Variants in SLC35F1 observed in about 807,000 individuals in gnomAD.
SLC35F1 encodes the protein solute carrier family 35 member F1.
SLC35F1 carries 14 observed loss-of-function variants against 48.7 expected under a neutral mutation model. The ratio of observed to expected loss-of-function variants is 0.29; its 90% CI spans 0.19 to 0.45. The LOEUF is 0.45. Ranked by LOEUF, SLC35F1 falls within the 20% of genes least tolerant of loss-of-function variation. SLC35F1 has a pLI of 1.00. For missense variants in SLC35F1, 404 were observed against 500.0 expected, an observed-to-expected ratio of 0.81 and a Z score of 1.83; for synonymous variants, 190 against 202.2, an observed-to-expected ratio of 0.94 and a Z score of 0.51.
At chr6:118,131,882 T>C (rs953824780) in intron 1 of SLC35F1, among the ~76,000 whole-genome samples, 1 of 152,094 alleles carries the variant, frequency 6.6e-6, no homozygotes, top group Admixed American at 6.6e-5. Context: ...GTCTCTATGC[T>C]TAGATCAGTG....
intron 2 of SLC35F1, among the ~76,000 whole-genome samples, chr6:118,157,755 T>A (rs1774168209): frequency 6.6e-6 from 1 of 152,194 alleles, no homozygotes; most frequent in Non-Finnish European, 1.5e-5. Context: ...CCTGCTTTTA[T>A]CCCAGCTGTG....
intron 2 of SLC35F1, among the ~76,000 whole-genome samples, chr6:118,164,600 A>T (rs531561377): frequency 5.3e-5 from 8 of 152,212 alleles, no homozygotes; most frequent in Non-Finnish European, 1.0e-4. Context: ...ATGCATAAAA[A>T]ACTTATAGGA....
intron 3 of SLC35F1, among the ~76,000 whole-genome samples, chr6:118,246,324 C>G (rs945824951): frequency 6.6e-6 from 1 of 152,166 alleles, no homozygotes; most frequent in Non-Finnish European, 1.5e-5. Flanking sequence ...CATGGCTCAG[C>G]TTTACAGATA....
intron 1 of SLC35F1, among the ~76,000 whole-genome samples, chr6:118,001,325 A>G (rs927120845): frequency 5.9e-5 from 9 of 152,318 alleles, no homozygotes; most frequent in Non-Finnish European, 1.2e-4. Flanking sequence ...TCTTTGACAA[A>G]CCTGACAAAA....
chr6:118,162,165 G>A (rs541844237), intron 2 of SLC35F1, among the ~76,000 whole-genome samples: 2 of 152,250 alleles, frequency 1.3e-5, no homozygotes, highest in South Asian at 4.1e-4. Flanking sequence ...TTCATGCAAT[G>A]GAATGTCACT....
At chr6:117,955,108 T>A (rs1286072445) in intron 1 of SLC35F1, among the ~76,000 whole-genome samples, 1 of 152,168 alleles carries the variant, frequency 6.6e-6, no homozygotes. Context: ...GTTAATACAT[T>A]TTTTAGCATT....
chr6:117,924,026 T>C (rs1056383079), intron 1 of SLC35F1, among the ~76,000 whole-genome samples: 2 of 150,002 alleles, frequency 1.3e-5, no homozygotes, highest in African/African-American at 5.0e-5. Flanking sequence ...TATATACCTA[T>C]ACACACATAG....
At chr6:118,251,416 A>G (rs1775573569) in intron 3 of SLC35F1, among the ~76,000 whole-genome samples, 1 of 152,184 alleles carries the variant, frequency 6.6e-6, no homozygotes, top group Non-Finnish European at 1.5e-5. Flanking sequence ...CTATAGGCAA[A>G]TGTTGTACAA....
intron 1 of SLC35F1, among the ~76,000 whole-genome samples, chr6:118,090,842 G>T (rs1223417192): frequency 6.6e-6 from 1 of 152,130 alleles, no homozygotes; most frequent in Non-Finnish European, 1.5e-5. Flanking sequence ...CAATGGGGGG[G>T]CATAAGTGGA....
intron 1 of SLC35F1, among the ~76,000 whole-genome samples, chr6:118,034,307 C>T (rs1772096456): frequency 6.6e-6 from 1 of 152,084 alleles, no homozygotes; most frequent in African/African-American, 2.4e-5. Context: ...CCTGTAATCC[C>T]AGCACTTTGG....
At chr6:118,174,937 A>T (rs1309397446) in intron 2 of SLC35F1, among the ~76,000 whole-genome samples, 2 of 152,084 alleles carry the variant, frequency 1.3e-5, no homozygotes, top group East Asian at 3.8e-4. Flanking sequence ...GTAAACCATA[A>T]AAGTACTCTT....
At chr6:117,961,794 A>T (rs1040383086) in intron 1 of SLC35F1, among the ~76,000 whole-genome samples, 1 of 152,226 alleles carries the variant, frequency 6.6e-6, no homozygotes, top group Non-Finnish European at 1.5e-5. Flanking sequence ...CTAATATATG[A>T]CATGTTTCAT....
intron 1 of SLC35F1, among the ~76,000 whole-genome samples, chr6:118,071,775 G>T (rs1398100516): frequency 1.3e-5 from 2 of 152,130 alleles, no homozygotes; most frequent in African/African-American, 4.8e-5. Flanking sequence ...ACCTGCTATG[G>T]CTGAGGAGTC....
chr6:118,118,521 C>T (rs754773969), intron 1 of SLC35F1, among the ~76,000 whole-genome samples: 23 of 152,190 alleles, frequency 1.5e-4, no homozygotes, highest in South Asian at 4.1e-4. Context: ...TTTCTGTTCT[C>T]ATTGTAGTTT....
At chr6:118,011,367 C>A (rs186361632) in intron 1 of SLC35F1, among the ~76,000 whole-genome samples, 52 of 152,202 alleles carry the variant, frequency 3.4e-4, no homozygotes, top group African/African-American at 1.2e-3. Context: ...GCAGGTACAT[C>A]TTCACATGGC....
At chr6:118,257,311 GA>G (rs780626268) in intron 3 of SLC35F1, among the ~76,000 whole-genome samples, 5 of 151,176 alleles carry the variant, frequency 3.3e-5, no homozygotes, top group South Asian at 2.1e-4. Context: ...AAGTTTTGAG[GA>G]AAAAAAAACT....
chr6:117,921,230 A>G (rs963628364), intron 1 of SLC35F1, among the ~76,000 whole-genome samples: 3 of 152,264 alleles, frequency 2.0e-5, no homozygotes, highest in African/African-American at 7.2e-5. Flanking sequence ...CTTCATTTCT[A>G]TTTTGGAGTC....
chr6:118,071,749 C>T (rs1275729318), intron 1 of SLC35F1, among the ~76,000 whole-genome samples: 1 of 152,104 alleles, frequency 6.6e-6, no homozygotes, highest in Non-Finnish European at 1.5e-5. Context: ...AAGAGCGTCT[C>T]CATTGTCTTT....
chr6:118,231,021 C>T (rs1008446102), intron 2 of SLC35F1, among the ~76,000 whole-genome samples: 3 of 151,962 alleles, frequency 2.0e-5, no homozygotes, highest in Non-Finnish European at 4.4e-5. Context: ...AAAACAATAT[C>T]AAGATGATCA....
Sources: gnomAD v4.1 joint callset for allele counts (sites outside exome capture counted in the v4.1 genomes callset) on GRCh38, gnomAD v4.1.1 for gene constraint, MANE v1.5 for transcripts, NCBI Gene and HGNC (gene_info 2026-07-23, HGNC 2026-07-21) for gene names.